ZFAND3: variants seen among roughly 807,000 people sequenced by gnomAD.
ZFAND3 encodes AN1-type zinc finger protein 3.
In ZFAND3, 10 loss-of-function variants were observed where a neutral mutation model predicts 29.6. The observed-to-expected ratio is 0.34, with a 90% CI of 0.21 to 0.57. The LOEUF (loss-of-function observed/expected upper bound fraction) is 0.57, where lower values mean the gene tolerates loss of function less well. ZFAND3 is among the 20% of genes least tolerant of loss of function. The pLI is 0.86. For missense variants in ZFAND3, 230 were observed against 304.5 expected (o/e 0.76, Z 1.82); for synonymous variants, 128 against 112.6 (o/e 1.14, Z -0.87).
intron 2 of ZFAND3, among the ~76,000 whole-genome samples, chr6:38,002,432 G>A (rs1295843459): frequency 3.9e-5 from 6 of 151,926 alleles, no homozygotes; most frequent in African/African-American, 1.2e-4. Context: ...TAATCACAGC[G>A]CTTTGAGAGG....
At chr6:37,841,698 T>C (rs1024329885) in intron 1 of ZFAND3, among the ~76,000 whole-genome samples, 1 of 152,192 alleles carries the variant, frequency 6.6e-6, no homozygotes, top group Non-Finnish European at 1.5e-5. Flanking sequence ...TTAGCCAGGA[T>C]GGTCTCGATC....
At chr6:38,145,839 T>C (rs535528069) in intron 5 of ZFAND3, among the ~76,000 whole-genome samples, 1 of 152,302 alleles carries the variant, frequency 6.6e-6, no homozygotes, top group East Asian at 1.9e-4. Flanking sequence ...ATGAGTGGCT[T>C]CCATTGAAAT....
chr6:38,055,577 ATTCTTAG>A (rs1408564174), intron 2 of ZFAND3, among the ~76,000 whole-genome samples: 1 of 152,180 alleles, frequency 6.6e-6, no homozygotes, highest in Non-Finnish European at 1.5e-5. Context: ...GAGGCGCTTA[ATTCTTAG>A]TTCCTCTTCT....
chr6:38,058,927 T>TA (rs1047830732), intron 2 of ZFAND3, among the ~76,000 whole-genome samples: 11 of 152,208 alleles, frequency 7.2e-5, no homozygotes, highest in African/African-American at 2.4e-4. Context: ...TAGCTATTCT[T>TA]ACGCTGAGAA....
chr6:37,835,359 G>A (rs1008480762), intron 1 of ZFAND3, among the ~76,000 whole-genome samples: 1 of 151,532 alleles, frequency 6.6e-6, no homozygotes. Context: ...GTTTCACCAT[G>A]TTGCCCAGGC....
At chr6:37,867,654 T>A (rs1412354601) in intron 1 of ZFAND3, among the ~76,000 whole-genome samples, 1 of 152,192 alleles carries the variant, frequency 6.6e-6, no homozygotes, top group African/African-American at 2.4e-5. Flanking sequence ...AATAACTGTT[T>A]GCATATTTTA....
At chr6:38,099,349 T>C (rs1765046675) in intron 4 of ZFAND3, among the ~76,000 whole-genome samples, 2 of 152,198 alleles carry the variant, frequency 1.3e-5, no homozygotes, top group African/African-American at 4.8e-5. Flanking sequence ...TGGGTTCAGT[T>C]AACCAGCCTC....
intron 2 of ZFAND3, 124 bp downstream of exon 2, chr6:37,930,123 C>A: frequency 2.1e-6 from 2 of 969,220 alleles, no homozygotes; most frequent in Non-Finnish European, 2.9e-6. Flanking sequence ...GTTTTCTTAG[C>A]TTGTGTGAGA....
At chr6:38,087,634 A>T (rs981611924) in intron 4 of ZFAND3, among the ~76,000 whole-genome samples, 1 of 152,230 alleles carries the variant, frequency 6.6e-6, no homozygotes, top group Admixed American at 6.5e-5. Flanking sequence ...CAAAACTACA[A>T]TGAGATGTCA....
At chr6:38,092,104 C>G (rs1014619120) in intron 4 of ZFAND3, among the ~76,000 whole-genome samples, 9 of 152,156 alleles carry the variant, frequency 5.9e-5, no homozygotes, top group Non-Finnish European at 4.4e-5. Context: ...CAAGGCACCC[C>G]CCTCGAGAAG....
chr6:38,102,843 G>A (rs1765120578), intron 4 of ZFAND3, among the ~76,000 whole-genome samples: 1 of 152,010 alleles, frequency 6.6e-6, no homozygotes, highest in South Asian at 2.1e-4. Context: ...TGCAACCTCC[G>A]CCTCCTGGGT....
intron 4 of ZFAND3, among the ~76,000 whole-genome samples, chr6:38,112,332 T>G (rs1204135198): frequency 1.3e-5 from 2 of 152,248 alleles, no homozygotes; most frequent in African/African-American, 4.8e-5. Flanking sequence ...TGAAGGACCT[T>G]AATTAGAAGT....
chr6:38,005,854 T>G (rs1479074665), intron 2 of ZFAND3, among the ~76,000 whole-genome samples: 1 of 152,240 alleles, frequency 6.6e-6, no homozygotes, highest in Non-Finnish European at 1.5e-5. Context: ...CTAAACTAGA[T>G]GTACAGTTCA....
chr6:37,972,380 A>G lies in ZFAND3; in HGVS notation c.112+42381A>G, dbSNP rs868557692. ...CTTGCCTCTGTGAGGCTTCAGAAAT[A>G]ATGGATAAATCTTCTGTTAATGAAA... is the stretch of plus-strand genomic sequence containing the variant. On this transcript the variant is annotated intron_variant, in intron 2 of 5. Coordinates refer to ENST00000287218, the MANE Select transcript of ZFAND3 (RefSeq NM_021943.3). Among the ~76,000 whole-genome samples the G allele has an allele frequency of 2.6e-5, 4 of 152,046 alleles. No individual in the cohort carries two copies. The South Asian group carries it at 8.4e-4, about 32-fold the overall frequency.
chr6:37,939,599 CAG>C (rs1429800075), intron 2 of ZFAND3, among the ~76,000 whole-genome samples: 1 of 152,090 alleles, frequency 6.6e-6, no homozygotes, highest in Non-Finnish European at 1.5e-5. Flanking sequence ...ACTTTTAAAA[CAG>C]AAATGGAAGA....
intron 4 of ZFAND3, among the ~76,000 whole-genome samples, chr6:38,101,575 A>G (rs1436215198): frequency 6.6e-6 from 1 of 152,078 alleles, no homozygotes; most frequent in East Asian, 1.9e-4. Context: ...GGAGTTCAAG[A>G]CCAGCCTGGC....
chr6:38,085,207 A>G (rs1764733620), intron 4 of ZFAND3, among the ~76,000 whole-genome samples: 1 of 152,200 alleles, frequency 6.6e-6, no homozygotes, highest in Admixed American at 6.5e-5. Flanking sequence ...TGTGCTGTAC[A>G]GTGCTTCTAC....
At chr6:37,868,224 G>A (rs540197417) in intron 1 of ZFAND3, among the ~76,000 whole-genome samples, 2 of 152,226 alleles carry the variant, frequency 1.3e-5, no homozygotes, top group African/African-American at 4.8e-5. Context: ...TGTTAATGGG[G>A]CATTCCCTGC....
chr6:38,018,524 C>G (rs1763290041), intron 2 of ZFAND3, among the ~76,000 whole-genome samples: 1 of 152,124 alleles, frequency 6.6e-6, no homozygotes, highest in Non-Finnish European at 1.5e-5. Context: ...TGATCCCCAT[C>G]CACACATTTA....
Sources: gnomAD v4.1 joint callset for allele counts (sites outside exome capture counted in the v4.1 genomes callset) on GRCh38, gnomAD v4.1.1 for gene constraint, MANE v1.5 for transcripts, NCBI Gene and HGNC (gene_info 2026-07-23, HGNC 2026-07-21) for gene names.